CSMD3: variants seen among roughly 807,000 people sequenced by gnomAD.
CSMD3 encodes CUB and sushi domain-containing protein 3.
A neutral mutation model predicts 435.2 loss-of-function variants in CSMD3; 177 were observed. The ratio of observed to expected loss-of-function variants is 0.41; its 90% CI spans 0.36 to 0.46. CSMD3 has a LOEUF of 0.46. Ranked by LOEUF, CSMD3 falls within the 20% of genes least tolerant of loss-of-function variation. The pLI, the probability that CSMD3 is intolerant of heterozygous loss-of-function variation, is 0.34. For missense variants in CSMD3, 4,265 were observed against 4,504.6 expected, an observed-to-expected ratio of 0.95 and a Z score of 1.52; for synonymous variants, 1,656 against 1,520.5, an observed-to-expected ratio of 1.09 and a Z score of -2.07.
chr8:113,238,074 CAA>C (rs34316809), intron 3 of CSMD3, among the ~76,000 whole-genome samples: 66 of 77,522 alleles, frequency 8.5e-4, no homozygotes, highest in Middle Eastern at 0.01. Context: ...GACTCCATCT[CAA>C]AAAAAAAAAA....
chr8:113,323,640 G>C (rs1285782090), intron 1 of CSMD3, among the ~76,000 whole-genome samples: 1 of 152,070 alleles, frequency 6.6e-6, no homozygotes, highest in Non-Finnish European at 1.5e-5. Context: ...ACTTTTCAGG[G>C]TCAAGAGAAA....
At chr8:112,495,240 C>T (rs905631647) in intron 30 of CSMD3, among the ~76,000 whole-genome samples, 1 of 152,106 alleles carries the variant, frequency 6.6e-6, no homozygotes, top group South Asian at 2.1e-4. Context: ...AGCTGGGCTT[C>T]GTAAAATTAA....
At chr8:113,397,168 C>T (rs755794414) in intron 1 of CSMD3, among the ~76,000 whole-genome samples, 49 of 152,026 alleles carry the variant, frequency 3.2e-4, no homozygotes, top group Non-Finnish European at 5.0e-4. Context: ...TACAAACTAG[C>T]CTAATGGTAG....
At position 112,306,200 on chromosome 8, in the gene CSMD3, A is replaced by G. The variant is rs761034735; in HGVS notation, c.7886-8T>C. ...GAATCCCACAGGAAATTGCTAGAAA[A>G]ACATACACACAAGCAAAATCGTATA... On this transcript the variant is annotated splice_polypyrimidine_tract_variant and splice_region_variant and intron_variant, in intron 50 of 70. Transcript: ENST00000297405. 1.1e-5 allele frequency: 17 copies of G among 1,609,976 alleles called. No homozygotes were observed. The highest frequency in any genetic ancestry group is 3.3e-5 in the Admixed American group (2 of 59,900).
At chr8:112,378,698 A>C (rs1829187228) in intron 38 of CSMD3, among the ~76,000 whole-genome samples, 1 of 152,186 alleles carries the variant, frequency 6.6e-6, no homozygotes, top group Non-Finnish European at 1.5e-5. Context: ...ATGGGTTCAA[A>C]AATACAGTTA....
chr8:112,350,382 C>A (rs1407765298), intron 40 of CSMD3, among the ~76,000 whole-genome samples: 1 of 151,202 alleles, frequency 6.6e-6, no homozygotes, highest in Non-Finnish European at 1.5e-5. Flanking sequence ...CTGTGAAAAC[C>A]TTGCAGGCTG....
At chr8:112,741,103 A>G (rs766273868) in intron 13 of CSMD3, among the ~76,000 whole-genome samples, 8 of 151,932 alleles carry the variant, frequency 5.3e-5, no homozygotes, top group Non-Finnish European at 1.0e-4. Context: ...AAAGAAGGCA[A>G]GGAGTCAGCA....
chr8:112,467,127 G>T (rs1259469093), intron 32 of CSMD3, among the ~76,000 whole-genome samples: 1 of 152,164 alleles, frequency 6.6e-6, no homozygotes, highest in African/African-American at 2.4e-5. Flanking sequence ...TTTGCACATA[G>T]TAGACTAGAT....
intron 13 of CSMD3, among the ~76,000 whole-genome samples, chr8:112,748,899 C>T (rs73340106): frequency 6.6e-6 from 1 of 152,100 alleles, no homozygotes; most frequent in Non-Finnish European, 1.5e-5. Context: ...GCTTTTAGCT[C>T]TTTAAGGAAT....
At chr8:113,031,901 C>T (rs2087126051) in intron 5 of CSMD3, among the ~76,000 whole-genome samples, 1 of 151,462 alleles carries the variant, frequency 6.6e-6, no homozygotes, top group African/African-American at 2.4e-5. Context: ...GCCTGCTGCT[C>T]TCATGATAGT....
intron 32 of CSMD3, among the ~76,000 whole-genome samples, chr8:112,425,022 GT>G (rs1812921610): frequency 6.6e-6 from 1 of 152,114 alleles, no homozygotes; most frequent in African/African-American, 2.4e-5. Context: ...TTGTTTAAAT[GT>G]TTCTTAAATA....
At chr8:113,254,457 A>G (rs2093362802) in intron 3 of CSMD3, among the ~76,000 whole-genome samples, 2 of 152,216 alleles carry the variant, frequency 1.3e-5, no homozygotes. Context: ...GGTACTGGCC[A>G]GGTATAGAAC....
intron 14 of CSMD3, 25 bp downstream of exon 14, chr8:112,689,843 T>A: frequency 6.2e-7 from 1 of 1,600,524 alleles, no homozygotes; most frequent in Non-Finnish European, 8.6e-7. Flanking sequence ...ATATGCTATC[T>A]GGAAGCAAAG....
intron 6 of CSMD3, among the ~76,000 whole-genome samples, chr8:113,001,115 T>C (rs1002172524): frequency 6.6e-6 from 1 of 152,046 alleles, no homozygotes; most frequent in Non-Finnish European, 1.5e-5. Context: ...CATCTTAATC[T>C]AGGCAATCGT....
intron 5 of CSMD3, among the ~76,000 whole-genome samples, chr8:113,050,063 AT>A (rs1470870465): frequency 1.3e-5 from 2 of 152,100 alleles, no homozygotes; most frequent in Non-Finnish European, 2.9e-5. Context: ...TTGTTGCTTC[AT>A]TTAGAAAATT....
chr8:112,324,457 T>C (rs1823301020), intron 45 of CSMD3, among the ~76,000 whole-genome samples: 1 of 152,036 alleles, frequency 6.6e-6, no homozygotes, highest in African/African-American at 2.4e-5. Context: ...CCAGAAACCA[T>C]AATAGGTGCT....
intron 27 of CSMD3, among the ~76,000 whole-genome samples, chr8:112,544,188 C>A (rs1826944410): frequency 6.6e-6 from 1 of 151,938 alleles, no homozygotes; most frequent in African/African-American, 2.4e-5. Context: ...TACCCTACAC[C>A]TAAAAATTTG....
In CSMD3 at chr8:112,550,853, T is replaced by A. The variant is rs2131190692; in HGVS notation, c.4382A>T (p.Asp1461Val). 3.1e-6 allele frequency: 5 copies of A among 1,611,756 alleles called. No individual in the cohort carries two copies. Among genetic ancestry groups the A allele is most frequent in the Non-Finnish European group, 4.2e-6 (5 of 1,178,180 alleles). The stretch of plus-strand genomic sequence containing the variant: ...GAGTATATCATGTGATGCTTCCGTA[T>A]CAAAAGCAAGAAACTGCAAGCTGTG... Reference protein sequence around the residue: ...NIVSLQFLAFDTEASHDILRV... With the variant: ...NIVSLQFLAFVTEASHDILRV... The change falls in exon 27 of 71, where the codon GAT (aspartate) becomes GTT (valine). Residue 1461 changes from aspartate to valine, a missense_variant. Physicochemically the swap from Asp to Val is radical, Grantham distance 152. Around this residue, in one of 3 missense-constraint regions of CSMD3, gnomAD observed 3,255 missense variants for 3,380.2 expected, o/e 0.96. Coordinates refer to ENST00000297405, the MANE Select transcript of CSMD3 (RefSeq NM_198123.2).
At chr8:112,713,169 G>C (rs1041900327) in intron 13 of CSMD3, among the ~76,000 whole-genome samples, 1 of 152,044 alleles carries the variant, frequency 6.6e-6, no homozygotes, top group African/African-American at 2.4e-5. Flanking sequence ...CCACCCCTTA[G>C]CCAAGGGAGG....
Sources: allele counts gnomAD v4.1 joint callset (sites outside exome capture counted in the v4.1 genomes callset), GRCh38; gene constraint gnomAD v4.1.1; regional missense constraint gnomAD v4.1.1; transcripts MANE v1.5; gene names NCBI Gene and HGNC (gene_info 2026-07-23, HGNC 2026-07-21).